DCC: variants seen among roughly 807,000 people sequenced by gnomAD.
DCC encodes netrin receptor DCC.
A neutral mutation model predicts 172.5 loss-of-function variants in DCC; 58 were observed. The ratio of observed to expected loss-of-function variants is 0.34; its 90% CI spans 0.27 to 0.42. The LOEUF is 0.42. DCC is among the 10% of genes least tolerant of loss of function. The pLI is 1.00. For synonymous variants in DCC, 709 were observed against 644.5 expected, an observed-to-expected ratio of 1.10 and a Z score of -1.52; for missense variants, 1,740 against 1,791.0, an observed-to-expected ratio of 0.97 and a Z score of 0.51.
At chr18:53,048,734 C>T (rs888863143) in intron 5 of DCC, among the ~76,000 whole-genome samples, 2 of 151,296 alleles carry the variant, frequency 1.3e-5, no homozygotes, top group Admixed American at 6.6e-5. Flanking sequence ...CTAAGTCAAA[C>T]GGCAATTCTC....
chr18:52,465,685 A>G (rs1988764274), intron 1 of DCC, among the ~76,000 whole-genome samples: 1 of 152,130 alleles, frequency 6.6e-6, no homozygotes, highest in Admixed American at 6.6e-5. Context: ...TTAAAAAGCC[A>G]GCTCCATTGT....
chr18:52,396,107 G>T (rs990618719), intron 1 of DCC, among the ~76,000 whole-genome samples: 1 of 152,054 alleles, frequency 6.6e-6, no homozygotes, highest in African/African-American at 2.4e-5. Context: ...GACGCTGATG[G>T]GTTGTATGAT....
intron 3 of DCC, among the ~76,000 whole-genome samples, chr18:52,919,203 C>T (rs913955939): frequency 6.6e-6 from 1 of 152,182 alleles, no homozygotes; most frequent in Non-Finnish European, 1.5e-5. Context: ...GAGACCGTGG[C>T]TGCAGAGCTC....
intron 7 of DCC, among the ~76,000 whole-genome samples, chr18:53,134,718 G>A (rs1390919089): frequency 1.3e-5 from 2 of 152,124 alleles, no homozygotes; most frequent in Admixed American, 1.3e-4. Flanking sequence ...TGGTCAGAAA[G>A]TTATTTCCTT....
chr18:52,482,120 A>G (rs1232403823), intron 1 of DCC, among the ~76,000 whole-genome samples: 1 of 152,072 alleles, frequency 6.6e-6, no homozygotes, highest in Non-Finnish European at 1.5e-5. Flanking sequence ...AACGCTTAAT[A>G]CCAACCCAGC....
At chr18:53,411,367 T>G (rs926427824) in intron 20 of DCC, among the ~76,000 whole-genome samples, 20 of 152,152 alleles carry the variant, frequency 1.3e-4, no homozygotes, top group African/African-American at 4.6e-4. Flanking sequence ...TTGAATAATT[T>G]GTAATAAGTT....
intron 1 of DCC, among the ~76,000 whole-genome samples, chr18:52,488,794 C>T (rs1273094647): frequency 1.3e-5 from 2 of 152,012 alleles, no homozygotes; most frequent in Non-Finnish European, 1.5e-5. Context: ...AAGCAAGATA[C>T]TAGGGATCAA....
intron 1 of DCC, among the ~76,000 whole-genome samples, chr18:52,585,134 G>A (rs555923141): frequency 6.6e-6 from 1 of 152,288 alleles, no homozygotes; most frequent in African/African-American, 2.4e-5. Flanking sequence ...TTGAAATTCA[G>A]CTTTATAAAT....
At chr18:52,453,437 C>T (rs371861519) in intron 1 of DCC, among the ~76,000 whole-genome samples, 1 of 152,172 alleles carries the variant, frequency 6.6e-6, no homozygotes, top group Non-Finnish European at 1.5e-5. Context: ...GCCCCTGTAC[C>T]ATGCGATGGG....
intron 5 of DCC, among the ~76,000 whole-genome samples, chr18:53,053,678 G>A (rs1385591668): frequency 6.6e-6 from 1 of 152,060 alleles, no homozygotes; most frequent in Non-Finnish European, 1.5e-5. Flanking sequence ...AATACCAACA[G>A]GGAATACTAG....
chr18:53,111,368 G>A (rs1014974157), intron 7 of DCC, among the ~76,000 whole-genome samples: 19 of 149,094 alleles, frequency 1.3e-4, no homozygotes, highest in Non-Finnish European at 2.4e-4. Flanking sequence ...CCTGCACATT[G>A]TGCACATGTA....
At chr18:53,472,857 C>A (rs577607966) in intron 25 of DCC, among the ~76,000 whole-genome samples, 2 of 152,134 alleles carry the variant, frequency 1.3e-5, no homozygotes, top group South Asian at 2.1e-4. Flanking sequence ...ACAAAACAAA[C>A]CAAACAAATT....
At chr18:53,210,370 T>C (rs1005307713) in intron 11 of DCC, among the ~76,000 whole-genome samples, 2 of 152,228 alleles carry the variant, frequency 1.3e-5, no homozygotes, top group African/African-American at 2.4e-5. Context: ...GAAAATTAAA[T>C]GGGCTGATCT....
chr18:53,455,629 C>T (rs2045473647), intron 23 of DCC, among the ~76,000 whole-genome samples: 1 of 152,196 alleles, frequency 6.6e-6, no homozygotes, highest in Non-Finnish European at 1.5e-5. Flanking sequence ...ATGGGATCTG[C>T]ATCATACAAA....
chr18:52,834,695 A>T (rs1369701607), intron 2 of DCC, among the ~76,000 whole-genome samples: 1 of 152,200 alleles, frequency 6.6e-6, no homozygotes, highest in East Asian at 1.9e-4. Context: ...ATCAAAGCTT[A>T]TCAAAATTAT....
chr18:52,407,403 C>G (rs1986691143), intron 1 of DCC, among the ~76,000 whole-genome samples: 1 of 151,968 alleles, frequency 6.6e-6, no homozygotes, highest in African/African-American at 2.4e-5. Flanking sequence ...TTTCGGTTGT[C>G]CAGGTCCAAA....
intron 22 of DCC, among the ~76,000 whole-genome samples, chr18:53,439,288 G>A (rs1453422866): frequency 2.6e-5 from 4 of 152,214 alleles, no homozygotes; most frequent in South Asian, 2.1e-4. Flanking sequence ...TTAAAAGGGG[G>A]GTATGTTTTC....
chr18:52,927,116 C>CGTGTATATAT (rs1568192066), intron 5 of DCC, among the ~76,000 whole-genome samples: 2 of 85,446 alleles, frequency 2.3e-5, no homozygotes, highest in East Asian at 3.2e-4. Flanking sequence ...CACGTATATA[C>CGTGTATATAT]GTGTATATAC....
At chr18:52,657,452 A>T (rs35302918) in intron 1 of DCC, among the ~76,000 whole-genome samples, 1 of 152,154 alleles carries the variant, frequency 6.6e-6, no homozygotes, top group Non-Finnish European at 1.5e-5. Context: ...TCCTAAGTGC[A>T]GGTGATCACT....
Sources: allele counts gnomAD v4.1 joint callset (sites outside exome capture counted in the v4.1 genomes callset), GRCh38; gene constraint gnomAD v4.1.1; transcripts MANE v1.5; gene names NCBI Gene and HGNC (gene_info 2026-07-23, HGNC 2026-07-21).